Variants in LRRC4C observed in about 807,000 individuals in gnomAD.
The protein encoded by LRRC4C is leucine rich repeat containing 4C.
LRRC4C carries 5 observed loss-of-function variants against 33.6 expected under a neutral mutation model. The ratio of observed to expected loss-of-function variants is 0.15; its 90% CI spans 0.08 to 0.31. LRRC4C has a LOEUF of 0.31. Ranked by LOEUF, LRRC4C falls within the 10% of genes least tolerant of loss-of-function variation. The pLI is 1.00. For missense variants in LRRC4C, 560 were observed against 796.7 expected (o/e 0.70, Z 3.58); for synonymous variants, 329 against 302.0 (o/e 1.09, Z -0.93).
chr11:40,521,360 T>C (rs1002920792), intron 3 of LRRC4C, among the ~76,000 whole-genome samples: 2 of 152,168 alleles, frequency 1.3e-5, no homozygotes, highest in African/African-American at 4.8e-5. Flanking sequence ...TAAGAAAGAG[T>C]CAGCTTGGAG....
At chr11:41,273,448 TG>T (rs1479526947) in intron 1 of LRRC4C, among the ~76,000 whole-genome samples, 2 of 152,190 alleles carry the variant, frequency 1.3e-5, no homozygotes, top group East Asian at 3.9e-4. Flanking sequence ...TGCATCAACA[TG>T]GAAGAACCTA....
At chr11:40,929,394 G>A (rs565048896) in intron 2 of LRRC4C, among the ~76,000 whole-genome samples, 2 of 152,038 alleles carry the variant, frequency 1.3e-5, no homozygotes, top group Admixed American at 6.6e-5. Flanking sequence ...AAATGCATAC[G>A]AATAAAAATA....
At chr11:40,435,693 T>C (rs12420094) in intron 3 of LRRC4C, among the ~76,000 whole-genome samples, 62,213 of 151,922 alleles carry the variant, frequency 0.41, 13,045 homozygotes, top group East Asian at 0.53. Context: ...AAAAACAGAT[T>C]GGAGGGGCAG....
intron 4 of LRRC4C, among the ~76,000 whole-genome samples, chr11:40,297,715 T>C (rs1944581394): frequency 6.6e-6 from 1 of 152,320 alleles, no homozygotes; most frequent in South Asian, 2.1e-4. Flanking sequence ...TAGCATTTAA[T>C]GAAAGCTTGC....
chr11:41,260,014 T>C (rs1948926789), intron 1 of LRRC4C, among the ~76,000 whole-genome samples: 1 of 152,030 alleles, frequency 6.6e-6, no homozygotes, highest in Non-Finnish European at 1.5e-5. Flanking sequence ...AATCTCAGGT[T>C]TGCTACTCTA....
chr11:40,378,212 A>G (rs1045275825), intron 3 of LRRC4C, among the ~76,000 whole-genome samples: 2 of 152,062 alleles, frequency 1.3e-5, no homozygotes, highest in Non-Finnish European at 2.9e-5. Flanking sequence ...TGCAAGACAG[A>G]TGAAGAAATT....
intron 1 of LRRC4C, among the ~76,000 whole-genome samples, chr11:41,411,140 C>CTTTTTTTTTTTTTTTTTTTTTTTTTTTT: frequency 2.0e-5 from 1 of 49,912 alleles, no homozygotes; most frequent in South Asian, 8.9e-4. Context: ...GGTTGGTACC[C>CTTTTTTTTTTTTTTTTTTTTTTTTTTTT]TATTTTTTTT....
At chr11:41,443,708 C>G (rs575250478) in intron 1 of LRRC4C, among the ~76,000 whole-genome samples, 1 of 151,756 alleles carries the variant, frequency 6.6e-6, no homozygotes, top group African/African-American at 2.4e-5. Flanking sequence ...ATCCGCCTAC[C>G]AGGTTCATGT....
intron 1 of LRRC4C, among the ~76,000 whole-genome samples, chr11:41,159,160 T>G (rs1431167159): frequency 1.3e-5 from 2 of 152,060 alleles, no homozygotes; most frequent in Non-Finnish European, 2.9e-5. Flanking sequence ...CATGGTAGCA[T>G]GCACTTTTAG....
rs993257560 is a variant in LRRC4C at position 40,481,641 on chromosome 11, T to C, written c.-269-161920A>G. ...ATTGGGTTTTATGGACCCCATACAA[T>C]ACTGATTAATTCAACACTTCCATTT... is the stretch of plus-strand genomic sequence containing the variant. On this transcript the variant is annotated intron_variant, in intron 3 of 6. Coordinates refer to ENST00000528697, the MANE Select transcript of LRRC4C (RefSeq NM_001258419.2). 2.6e-5 allele frequency among the ~76,000 whole-genome samples: 4 copies of C among 152,108 alleles called. No individual in the cohort carries two copies. The South Asian group carries it at 6.2e-4, about 24-fold the overall frequency.
chr11:41,155,482 A>C (rs1265982443), intron 1 of LRRC4C, among the ~76,000 whole-genome samples: 1 of 152,172 alleles, frequency 6.6e-6, no homozygotes, highest in Non-Finnish European at 1.5e-5. Context: ...TGCCTGAATC[A>C]ATGATACGAA....
rs189803273 is a variant in LRRC4C, at chr11:40,673,323, T to C, written c.-406-25045A>G. Among the ~76,000 whole-genome samples the C allele has an allele frequency of 4.3e-3, 650 of 152,278 alleles. 4 individuals are homozygous for C. The highest frequency in any genetic ancestry group is 0.015 in the African/African-American group (610 of 41,556). ...TTTTCCAAGAATATTTATCCTCTGA[T>C]TAAGTCAGGTACAATGTATGGCCAT... On this transcript the variant is annotated intron_variant, in intron 2 of 6. Coordinates refer to ENST00000528697, the MANE Select transcript of LRRC4C (RefSeq NM_001258419.2).
intron 2 of LRRC4C, among the ~76,000 whole-genome samples, chr11:40,915,344 A>G (rs1956905636): frequency 6.6e-6 from 1 of 152,204 alleles, no homozygotes; most frequent in Admixed American, 6.5e-5. Flanking sequence ...GTACCAAAAC[A>G]GAGATATAGA....
chr11:40,961,300 G>T (rs368448108), intron 1 of LRRC4C, among the ~76,000 whole-genome samples: 1 of 151,666 alleles, frequency 6.6e-6, no homozygotes, highest in African/African-American at 2.4e-5. Context: ...ATTAGCACAG[G>T]TGACAGAGTT....
chr11:40,238,965 C>A (rs1178380802), intron 5 of LRRC4C, among the ~76,000 whole-genome samples: 1 of 152,236 alleles, frequency 6.6e-6, no homozygotes, highest in South Asian at 2.1e-4. Context: ...CCATACAAGA[C>A]CTAGGGTATA....
At chr11:41,270,246 C>T (rs1475134087) in intron 1 of LRRC4C, among the ~76,000 whole-genome samples, 1 of 152,092 alleles carries the variant, frequency 6.6e-6, no homozygotes, top group Non-Finnish European at 1.5e-5. Context: ...CAAAACCTCA[C>T]TCTGCACGTA....
chr11:40,241,856 C>G (rs925873503), intron 4 of LRRC4C: 1 of 152,220 alleles, frequency 6.6e-6, no homozygotes, highest in Admixed American at 6.5e-5. Context: ...AAGAGAAAGG[C>G]TGTTGGCATG....
chr11:41,393,488 G>A (rs1257126909), intron 1 of LRRC4C, among the ~76,000 whole-genome samples: 3 of 151,772 alleles, frequency 2.0e-5, no homozygotes, highest in South Asian at 2.1e-4. Flanking sequence ...TAGGGGCAGG[G>A]GGGAGGAGGA....
intron 5 of LRRC4C, among the ~76,000 whole-genome samples, chr11:40,192,756 G>T (rs528495024): frequency 3.3e-4 from 50 of 152,302 alleles, no homozygotes; most frequent in African/African-American, 1.2e-3. Context: ...GGAAGCTTGA[G>T]CTTGGTGGGG....
Sources: gnomAD v4.1 joint callset for allele counts (sites outside exome capture counted in the v4.1 genomes callset) on GRCh38, gnomAD v4.1.1 for gene constraint, MANE v1.5 for transcripts, NCBI Gene and HGNC (gene_info 2026-07-23, HGNC 2026-07-21) for gene names.